The following PTK2B variants were observed in gnomAD, a reference collection of about 807,000 sequenced individuals.
The protein encoded by PTK2B is protein-tyrosine kinase 2-beta.
In PTK2B, 71 loss-of-function variants were observed where a neutral mutation model predicts 142.9. That is an observed-to-expected ratio of 0.50 (90% confidence interval 0.41 to 0.61). The LOEUF (loss-of-function observed/expected upper bound fraction) is 0.61. Among genes scored for constraint, PTK2B ranks in the 20% least tolerant of loss-of-function variants. The pLI, the probability that PTK2B is intolerant of heterozygous loss-of-function variation, is 0.00. For missense variants in PTK2B, 1,105 were observed against 1,320.4 expected, an observed-to-expected ratio of 0.84 and a Z score of 2.53; for synonymous variants, 519 against 503.4, an observed-to-expected ratio of 1.03 and a Z score of -0.42.
chr8:27,390,504 G>C lies in PTK2B; in HGVS notation c.-37-7044G>C, dbSNP rs554372623. ...AAAAATAAAAAATTGAACTAGGCAT[G>C]GTGGCATGTACCTGTAGTCCCAGCT... On this transcript the variant is annotated intron_variant, in intron 1 of 30. Coordinates refer to ENST00000346049, the MANE Select transcript of PTK2B (RefSeq NM_173176.3). Among the ~76,000 whole-genome samples the C allele has an allele frequency of 2.2e-3, 336 of 152,146 alleles. 1 individual carries two copies. Among genetic ancestry groups the C allele is most frequent in the Admixed American group, 5.4e-3 (83 of 15,286 alleles).
chr8:27,436,493 G>A lies in PTK2B; in HGVS notation c.1341+145G>A, dbSNP rs371124465. 2.8e-5 allele frequency: 19 copies of A among 684,752 alleles called. No homozygotes were observed. The African/African-American group carries it at 3.0e-4, about 11-fold the overall frequency. 42.4% of individuals were successfully genotyped at this position (684,752 alleles called of 1,614,324 possible). ...AAGGGCCTCTTGTCCACTGGGCATG[G>A]TGGTATTTATTAAATACTCAAAGAG... is the stretch of plus-strand genomic sequence containing the variant. On this transcript the variant is annotated intron_variant, in intron 15 of 30. Coordinates refer to ENST00000346049, the MANE Select transcript of PTK2B (RefSeq NM_173176.3).
At chr8:27,336,324 A>T (rs1804061877) in intron 1 of PTK2B, among the ~76,000 whole-genome samples, 1 of 152,208 alleles carries the variant, frequency 6.6e-6, no homozygotes, top group African/African-American at 2.4e-5. Flanking sequence ...CGTTCTACAA[A>T]CCTTTCATAA....
intron 27 of PTK2B, 93 bp downstream of exon 27, chr8:27,451,602 A>T: frequency 6.3e-7 from 1 of 1,599,446 alleles, no homozygotes; most frequent in Non-Finnish European, 8.5e-7. Context: ...GGAGCAGCGG[A>T]GTCTGTCTGC....
intron 1 of PTK2B, among the ~76,000 whole-genome samples, chr8:27,382,830 T>C (rs906877600): frequency 3.9e-5 from 6 of 152,242 alleles, no homozygotes; most frequent in African/African-American, 1.4e-4. Flanking sequence ...CAATGTATGT[T>C]CTTGGCATCT....
At chr8:27,386,505 G>GT (rs1474306243) in intron 1 of PTK2B, among the ~76,000 whole-genome samples, 1 of 152,014 alleles carries the variant, frequency 6.6e-6, no homozygotes, top group Non-Finnish European at 1.5e-5. Context: ...CCTTAAAGTT[G>GT]TTTTTATTAG....
chr8:27,356,140 A>G (rs1805379569), intron 1 of PTK2B, among the ~76,000 whole-genome samples: 1 of 152,212 alleles, frequency 6.6e-6, no homozygotes, highest in African/African-American at 2.4e-5. Context: ...TTCAAGTAAG[A>G]AAACATGGCC....
chr8:27,364,682 C>T (rs1205664771), intron 1 of PTK2B, among the ~76,000 whole-genome samples: 3 of 152,212 alleles, frequency 2.0e-5, no homozygotes, highest in African/African-American at 7.2e-5. Flanking sequence ...GATCCCAGAA[C>T]CTTCCAGCCC....
rs779533287 is a variant in PTK2B, at chr8:27,454,286, G to C, written c.2728G>C (p.Val910Leu). 1 of 1,613,254 alleles carries C rather than the reference G, an allele frequency of 6.2e-7. No homozygotes were observed. The highest frequency in any genetic ancestry group is 1.1e-5 in the South Asian group (1 of 91,028). Residue 910 changes from valine (V) to leucine (L), a missense_variant, in exon 29 of 31, where the codon GTG becomes CTG. Val to Leu is a conservative substitution (Grantham distance 32). Coordinates refer to ENST00000346049, the MANE Select transcript of PTK2B (RefSeq NM_173176.3). The stretch of plus-strand genomic sequence containing the variant: ...GCCCCCCGAGGGCTACGTGGTGGTG[G>C]TGAAGGTGAGAGCAGGGCTGGGTTG... ...QLPPEGYVVV[V>L]KNVGLTLRKL...
chr8:27,313,686 T>C (rs552419450), intron 3 of PTK2B, among the ~76,000 whole-genome samples: 1 of 152,286 alleles, frequency 6.6e-6, no homozygotes, highest in South Asian at 2.1e-4. Flanking sequence ...TTTCTTCCCT[T>C]TTCCAGTGGA....
chr8:27,444,884 G>A (rs973746607), intron 23 of PTK2B, among the ~76,000 whole-genome samples: 3 of 152,144 alleles, frequency 2.0e-5, no homozygotes, highest in Non-Finnish European at 2.9e-5. Context: ...CAGAAATAAT[G>A]TCCATTTAGT....
intron 2 of PTK2B, among the ~76,000 whole-genome samples, chr8:27,403,464 G>A (rs1808500598): frequency 6.6e-6 from 1 of 152,092 alleles, no homozygotes; most frequent in Admixed American, 6.5e-5. Flanking sequence ...AATAAGCGCT[G>A]GCCCCTGTGC....
At chr8:27,438,911 G>T in intron 18 of PTK2B, 120 bp from the exon 19 acceptor site, 1 of 907,548 alleles carries the variant, frequency 1.1e-6, no homozygotes, top group Non-Finnish European at 1.7e-6. Context: ...ATTCTGCTCT[G>T]GAGTCCGAGT....
chr8:27,446,910 C>T (rs1057456982), intron 24 of PTK2B, among the ~76,000 whole-genome samples: 2 of 152,198 alleles, frequency 1.3e-5, no homozygotes, highest in African/African-American at 4.8e-5. Flanking sequence ...TGACCTACCT[C>T]GTTTTTCTCT....
intron 1 of PTK2B, among the ~76,000 whole-genome samples, chr8:27,351,735 A>C (rs895018905): frequency 9.8e-5 from 15 of 152,344 alleles, no homozygotes; most frequent in East Asian, 1.9e-4. Flanking sequence ...ACATAGACTT[A>C]TCTATGGGGA....
chr8:27,388,819 T>C (rs1315215990), intron 1 of PTK2B, among the ~76,000 whole-genome samples: 1 of 152,214 alleles, frequency 6.6e-6, no homozygotes, highest in Non-Finnish European at 1.5e-5. Context: ...CCCTGTGGCC[T>C]TCCAGCTCAC....
At chr8:27,407,009 A>C (rs1808758140) in intron 2 of PTK2B, among the ~76,000 whole-genome samples, 1 of 152,148 alleles carries the variant, frequency 6.6e-6, no homozygotes, top group South Asian at 2.1e-4. Context: ...ATTGTTCTTC[A>C]TCCCTCCTCA....
chr8:27,346,674 CA>C (rs1227111858), intron 1 of PTK2B, among the ~76,000 whole-genome samples: 1 of 152,188 alleles, frequency 6.6e-6, no homozygotes, highest in Admixed American at 6.5e-5. Flanking sequence ...CATTGAACAA[CA>C]AATTATTTGA....
chr8:27,398,562 G>A (rs1808201116), intron 2 of PTK2B, among the ~76,000 whole-genome samples: 1 of 152,206 alleles, frequency 6.6e-6, no homozygotes, highest in Admixed American at 6.5e-5. Context: ...GCATCCCCAT[G>A]AGTAGATACA....
chr8:27,457,821 A>G (rs1183060326), intron 30 of PTK2B, among the ~76,000 whole-genome samples: 4 of 152,080 alleles, frequency 2.6e-5, no homozygotes, highest in Admixed American at 2.0e-4. Context: ...CTAAAAATAC[A>G]AAAATTAGCC....
Sources: allele counts gnomAD v4.1 joint callset (sites outside exome capture counted in the v4.1 genomes callset), GRCh38; gene constraint gnomAD v4.1.1; transcripts MANE v1.5; gene names NCBI Gene and HGNC (gene_info 2026-07-23, HGNC 2026-07-21).